CDH13: variants seen among roughly 807,000 people sequenced by gnomAD.
The protein encoded by CDH13 is cadherin 13, also known as cadherin-13.
CDH13 carries 24 observed loss-of-function variants against 63.8 expected under a neutral mutation model. The observed-to-expected ratio is 0.38, with a 90% CI of 0.27 to 0.53. The LOEUF is 0.53. Ranked by LOEUF, CDH13 falls within the 20% of genes least tolerant of loss-of-function variation. The pLI is 0.85. For synonymous variants in CDH13, 503 were observed against 355.3 expected (o/e 1.42, Z -4.67); for missense variants, 1,049 against 903.1 (o/e 1.16, Z -2.07).
intron 2 of CDH13, among the ~76,000 whole-genome samples, chr16:82,877,413 T>C (rs561301800): frequency 4.6e-5 from 7 of 152,176 alleles, no homozygotes; most frequent in Non-Finnish European, 7.3e-5. Flanking sequence ...AACAATTAAG[T>C]CAGGTTGACG....
chr16:82,820,425 T>A (rs1191469458), intron 1 of CDH13, among the ~76,000 whole-genome samples: 1 of 152,178 alleles, frequency 6.6e-6, no homozygotes, highest in Non-Finnish European at 1.5e-5. Flanking sequence ...CTAATTTATG[T>A]CCATTTTACA....
chr16:82,956,804 C>T (rs925528221), intron 2 of CDH13, among the ~76,000 whole-genome samples: 1 of 152,170 alleles, frequency 6.6e-6, no homozygotes, highest in African/African-American at 2.4e-5. Flanking sequence ...ACTTGTGTCT[C>T]AGTGGATTTC....
Position 83,800,103 on chromosome 16 carries a change from T to C in CDH13, c.*5073T>C, listed in dbSNP as rs985076499. The stretch of plus-strand genomic sequence containing the variant: ...TTGATACGCCTTTGAACCATTTTAT[T>C]TGACTTTCCACGTGCCGTCTCATTG... On this transcript the variant is annotated 3_prime_UTR_variant, in exon 14 of 14. Coordinates refer to ENST00000567109, the MANE Select transcript of CDH13 (RefSeq NM_001257.5). The C allele has an allele frequency of 6.6e-6, 1 of 152,198 alleles. No individual in the cohort carries two copies. Among genetic ancestry groups the C allele is most frequent in the South Asian group, 2.1e-4 (1 of 4,830 alleles). 9.4% of individuals were successfully genotyped at this position (152,198 alleles called of 1,614,324 possible).
chr16:83,220,247 C>T (rs2039657647), intron 5 of CDH13, among the ~76,000 whole-genome samples: 1 of 152,090 alleles, frequency 6.6e-6, no homozygotes, highest in East Asian at 1.9e-4. Context: ...GAGGAAGAGC[C>T]CCGATCATTC....
At position 83,795,223 on chromosome 16, in the gene CDH13, C is replaced by T. The variant is rs1904275933; in HGVS notation, c.*193C>T. 1.9e-6 allele frequency: 1 copy of T among 537,424 alleles called. No homozygotes were observed. The highest frequency in any genetic ancestry group is 3.3e-6 in the Non-Finnish European group (1 of 302,714). The allele number at this position is 537,424 out of a possible 1,614,324, so 33.3% of individuals were successfully genotyped here. On this transcript the variant is annotated 3_prime_UTR_variant, in exon 14 of 14. Coordinates refer to ENST00000567109, the MANE Select transcript of CDH13 (RefSeq NM_001257.5). Reference sequence around the variant, plus strand: ...CATTTTGACAGCATCTTCCTCCCTCCTTTAATTAATGGAATCTTCTGAATT... The same window carrying T: ...CATTTTGACAGCATCTTCCTCCCTCTTTTAATTAATGGAATCTTCTGAATT...
chr16:82,973,981 G>A (rs1014343733), intron 2 of CDH13, among the ~76,000 whole-genome samples: 1 of 152,056 alleles, frequency 6.6e-6, no homozygotes, highest in African/African-American at 2.4e-5. Context: ...GGAGTGCAGT[G>A]GTGTGATAGC....
rs145402448 is a variant in CDH13 at position 83,033,393 on chromosome 16, C to G, written c.366+1175C>G. ...TCTCAGAGATAAGCTGCCCAACCTA[C>G]TCATGGTCCTTCTGTTGTTTTGTTT... is the stretch of plus-strand genomic sequence containing the variant. On this transcript the variant is annotated intron_variant, in intron 3 of 13. Transcript: ENST00000567109. Among the ~76,000 whole-genome samples the G allele has an allele frequency of 2.6e-5, 4 of 152,268 alleles. No homozygotes were observed. In the East Asian group the frequency reaches 7.7e-4, roughly 29 times the overall value.
chr16:82,846,122 T>G (rs1427740034), intron 1 of CDH13, among the ~76,000 whole-genome samples: 1 of 152,230 alleles, frequency 6.6e-6, no homozygotes, highest in Non-Finnish European at 1.5e-5. Context: ...GCTCCCTGTT[T>G]CTTGAACTGG....
intron 1 of CDH13, among the ~76,000 whole-genome samples, chr16:82,663,150 C>G (rs1347620150): frequency 5.3e-5 from 8 of 152,156 alleles, no homozygotes; most frequent in Non-Finnish European, 8.8e-5. Context: ...AATACCCTTA[C>G]TGAAGTGGCC....
rs75096681 is a variant in CDH13 at position 83,348,005 on chromosome 16, T to C, written c.781+2999T>C. The stretch of plus-strand genomic sequence containing the variant: ...AGGAGTTGGAGACCAGCCTGGACAA[T>C]GTGGTGAAACCCCATTGCTACGAAA... On this transcript the variant is annotated intron_variant, in intron 6 of 13. Coordinates refer to ENST00000567109, the MANE Select transcript of CDH13 (RefSeq NM_001257.5). Among the ~76,000 whole-genome samples, 1,270 of 152,074 alleles carry C rather than the reference T, an allele frequency of 8.4e-3. 9 individuals carry two copies. Among genetic ancestry groups the C allele is most frequent in the Middle Eastern group, 0.027 (8 of 294 alleles).
intron 2 of CDH13, among the ~76,000 whole-genome samples, chr16:82,896,393 G>A (rs1386070467): frequency 6.8e-6 from 1 of 146,354 alleles, no homozygotes; most frequent in African/African-American, 2.5e-5. Flanking sequence ...CTGGACTCAA[G>A]TAATCCTCCC....
chr16:83,434,470 C>G (rs1330640558), intron 6 of CDH13, among the ~76,000 whole-genome samples: 1 of 152,060 alleles, frequency 6.6e-6, no homozygotes, highest in Non-Finnish European at 1.5e-5. Context: ...CCTCTCTTCA[C>G]CCCATCTCAT....
chr16:83,079,628 C>G (rs1181914621), intron 3 of CDH13, among the ~76,000 whole-genome samples: 1 of 152,150 alleles, frequency 6.6e-6, no homozygotes. Flanking sequence ...TTGTAGTTGT[C>G]ATTGTTACCA....
rs78929277 is a variant in CDH13, at chr16:83,437,069, G to C, written c.782-49408G>C. Among the ~76,000 whole-genome samples, 1,178 of 152,124 alleles carry C rather than the reference G, an allele frequency of 7.7e-3. 8 individuals carry two copies. The highest frequency in any genetic ancestry group is 0.012 in the Non-Finnish European group (811 of 67,982). On this transcript the variant is annotated intron_variant, in intron 6 of 13. Transcript: ENST00000567109. The stretch of plus-strand genomic sequence containing the variant: ...CTGTCCTTGAGGCATGCTTGGTACT[G>C]TTTTGTTTGGGTTTTTTTTTCCCAG...
intron 2 of CDH13, among the ~76,000 whole-genome samples, chr16:82,981,880 C>T (rs1350760440): frequency 2.6e-5 from 4 of 152,228 alleles, no homozygotes; most frequent in Non-Finnish European, 5.9e-5. Flanking sequence ...TCTGCAGCTT[C>T]GAACACTGTT....
intron 7 of CDH13, among the ~76,000 whole-genome samples, chr16:83,570,529 G>A (rs573326604): frequency 1.3e-4 from 20 of 152,006 alleles, no homozygotes; most frequent in East Asian, 7.8e-4. Flanking sequence ...ATGGTCTAGC[G>A]TGGAACAGCC....
chr16:83,481,427 G>A (rs576744489), intron 6 of CDH13, among the ~76,000 whole-genome samples: 4 of 152,304 alleles, frequency 2.6e-5, no homozygotes, highest in East Asian at 1.9e-4. Context: ...GTCACTCTCA[G>A]ATCTGCGCTC....
intron 3 of CDH13, among the ~76,000 whole-genome samples, chr16:83,033,468 T>C (rs975781987): frequency 1.3e-5 from 2 of 152,220 alleles, no homozygotes; most frequent in African/African-American, 4.8e-5. Flanking sequence ...TGTGTATATG[T>C]GTATACGTAT....
intron 4 of CDH13, among the ~76,000 whole-genome samples, chr16:83,194,746 T>C (rs1253905817): frequency 6.6e-6 from 1 of 152,238 alleles, no homozygotes. Flanking sequence ...TTTACTTACC[T>C]GACTTCCTAG....
Sources: allele counts gnomAD v4.1 joint callset (sites outside exome capture counted in the v4.1 genomes callset), GRCh38; gene constraint gnomAD v4.1.1; transcripts MANE v1.5; gene names NCBI Gene and HGNC (gene_info 2026-07-23, HGNC 2026-07-21).